RNF144A: variants seen among roughly 807,000 people sequenced by gnomAD.
The protein encoded by RNF144A is E3 ubiquitin-protein ligase RNF144A.
A neutral mutation model predicts 38.7 loss-of-function variants in RNF144A; 11 were observed. The ratio of observed to expected loss-of-function variants is 0.28; its 90% confidence interval spans 0.18 to 0.47. The LOEUF is 0.47. Among genes scored for constraint, RNF144A ranks in the 20% least tolerant of loss-of-function variants. RNF144A has a pLI of 0.99. For synonymous variants in RNF144A, 149 were observed against 143.9 expected (o/e 1.04, Z -0.25); for missense variants, 316 against 377.2 (o/e 0.84, Z 1.34).
chr2:7,026,500 G>GTTT (rs5829094), intron 7 of RNF144A, among the ~76,000 whole-genome samples: 1 of 142,516 alleles, frequency 7.0e-6, no homozygotes, highest in Non-Finnish European at 1.5e-5. Flanking sequence ...CTGTATTCCA[G>GTTT]TTTTTTTTTT....
At chr2:7,073,328 A>G in the RNF144A span, among the ~76,000 whole-genome samples, 2 of 152,172 alleles carry the variant, frequency 1.3e-5, no homozygotes, top group African/African-American at 4.8e-5. Flanking sequence ...AAATGTGTCT[A>G]TCACTCCCCG....
At chr2:6,925,866 G>A (rs1255821139) in intron 1 of RNF144A, among the ~76,000 whole-genome samples, 1 of 152,140 alleles carries the variant, frequency 6.6e-6, no homozygotes, top group Non-Finnish European at 1.5e-5. Context: ...ACACACACGT[G>A]TGCGCACACA....
At chr2:7,020,157 T>G (rs1291113395) in intron 5 of RNF144A, among the ~76,000 whole-genome samples, 1 of 152,110 alleles carries the variant, frequency 6.6e-6, no homozygotes, top group East Asian at 1.9e-4. Flanking sequence ...GTGGAGGCCT[T>G]TGAGCTGTGA....
intron 8 of RNF144A, among the ~76,000 whole-genome samples, chr2:7,033,715 C>A (rs1484947959): frequency 6.6e-6 from 1 of 152,214 alleles, no homozygotes; most frequent in African/African-American, 2.4e-5. Context: ...GGACCCACCC[C>A]ACTCTGGTCA....
intron 1 of RNF144A, among the ~76,000 whole-genome samples, chr2:6,926,870 A>G (rs777914264): frequency 3.3e-5 from 5 of 152,094 alleles, no homozygotes; most frequent in Admixed American, 6.5e-5. Flanking sequence ...GGTACCAGGG[A>G]TTCAAAGACA....
At chr2:7,045,214 G>C (rs1160348179), downstream of RNF144A, among the ~76,000 whole-genome samples, 2 of 152,242 alleles carry the variant, frequency 1.3e-5, no homozygotes, top group African/African-American at 2.4e-5. Context: ...TGTCTGACCT[G>C]GTGGGGGCAC....
intron 1 of RNF144A, among the ~76,000 whole-genome samples, chr2:6,940,053 G>T (rs1665868918): frequency 6.6e-6 from 1 of 152,058 alleles, no homozygotes; most frequent in Non-Finnish European, 1.5e-5. Flanking sequence ...GGATTTCTGT[G>T]TGAATTTTAG....
intron 6 of RNF144A, among the ~76,000 whole-genome samples, chr2:7,056,510 A>G (rs1673745068): frequency 1.3e-5 from 2 of 151,884 alleles, no homozygotes; most frequent in Non-Finnish European, 2.9e-5. Context: ...CCACACACCA[A>G]CCATCCCTCC....
rs148310602 is a variant in RNF144A at position 6,936,349 on chromosome 2, A to G, written c.-211-4599A>G. 3.4e-3 allele frequency among the ~76,000 whole-genome samples: 516 copies of G among 152,332 alleles called. 4 individuals are homozygous for G. Among genetic ancestry groups the G allele is most frequent in the African/African-American group, 0.012 (501 of 41,574 alleles). Reference sequence around the variant, plus strand: ...GATACATATGTACACACATGTGCACACATAGATGCATATATACACACGTAT... The same window carrying G: ...GATACATATGTACACACATGTGCACGCATAGATGCATATATACACACGTAT... On this transcript the variant is annotated intron_variant, in intron 1 of 8. Transcript: ENST00000320892.
chr2:7,074,439 T>C, the RNF144A span: 1 of 152,238 alleles, frequency 6.6e-6, no homozygotes, highest in African/African-American at 2.4e-5. Flanking sequence ...AGTTATGGAT[T>C]TCTAGTTGAC....
chr2:6,924,639 T>C (rs920572617), intron 1 of RNF144A, among the ~76,000 whole-genome samples: 2 of 152,226 alleles, frequency 1.3e-5, no homozygotes, highest in African/African-American at 4.8e-5. Flanking sequence ...TCCATCTCCC[T>C]TCCGAGTGCG....
At chr2:6,966,390 G>A (rs1202478314) in intron 2 of RNF144A, among the ~76,000 whole-genome samples, 3 of 152,150 alleles carry the variant, frequency 2.0e-5, no homozygotes, top group African/African-American at 7.2e-5. Flanking sequence ...TCCAAATGTT[G>A]GATGTTTTCT....
At chr2:7,066,277 C>T (rs1001537770) in intron 6 of RNF144A, among the ~76,000 whole-genome samples, 2 of 151,860 alleles carry the variant, frequency 1.3e-5, no homozygotes, top group Non-Finnish European at 2.9e-5. Flanking sequence ...TTAGCAGAGA[C>T]GGGGTTTCAC....
chr2:6,933,603 TA>T (rs1187553278), intron 1 of RNF144A, among the ~76,000 whole-genome samples: 1 of 151,438 alleles, frequency 6.6e-6, no homozygotes, highest in African/African-American at 2.4e-5. Context: ...ATGCAGAGAA[TA>T]AAAAACAACT....
intron 6 of RNF144A, 24 bp from the exon 7 acceptor site, chr2:7,024,345 G>A: frequency 6.3e-7 from 1 of 1,584,154 alleles, no homozygotes; most frequent in Admixed American, 1.7e-5. Context: ...TTTGTGCAGA[G>A]TCCTCACGGC....
At chr2:6,935,448 T>C (rs987067728) in intron 1 of RNF144A, among the ~76,000 whole-genome samples, 2 of 152,224 alleles carry the variant, frequency 1.3e-5, no homozygotes, top group Non-Finnish European at 2.9e-5. Flanking sequence ...GAGCTGCATC[T>C]CTGTGTTTGG....
chr2:6,990,613 A>T (rs1669302863), intron 2 of RNF144A, among the ~76,000 whole-genome samples: 1 of 151,514 alleles, frequency 6.6e-6, no homozygotes. Flanking sequence ...AGATATATAG[A>T]CTTCTAGATG....
intron 2 of RNF144A, among the ~76,000 whole-genome samples, chr2:6,965,709 A>G (rs1667627794): frequency 6.6e-6 from 1 of 152,140 alleles, no homozygotes; most frequent in African/African-American, 2.4e-5. Context: ...GTGAATAAGG[A>G]AAAAGGCACG....
intron 2 of RNF144A, among the ~76,000 whole-genome samples, chr2:6,990,685 G>A (rs981933569): frequency 6.6e-6 from 1 of 151,880 alleles, no homozygotes; most frequent in Non-Finnish European, 1.5e-5. Context: ...ATTTGCCAGG[G>A]GGGTAAACTT....
Sources: allele counts gnomAD v4.1 joint callset (sites outside exome capture counted in the v4.1 genomes callset), GRCh38; gene constraint gnomAD v4.1.1; transcripts MANE v1.5; gene names NCBI Gene and HGNC (gene_info 2026-07-23, HGNC 2026-07-21).